Variants in MICAL2 observed in about 807,000 individuals in gnomAD.
The protein encoded by MICAL2 is microtubule associated monooxygenase, calponin and LIM domain containing 2.
A neutral mutation model predicts 127.3 loss-of-function variants in MICAL2; 77 were observed. That is an observed-to-expected ratio of 0.60 (90% CI 0.50 to 0.73). The LOEUF (loss-of-function observed/expected upper bound fraction) is 0.73. MICAL2 is among the 30% of genes least tolerant of loss of function. The pLI is 0.00. For synonymous variants in MICAL2, 570 were observed against 551.1 expected (o/e 1.03, Z -0.48); for missense variants, 1,351 against 1,434.4 (o/e 0.94, Z 0.94).
At chr11:12,273,772 G>A (rs1863696853), upstream of MICAL2, among the ~76,000 whole-genome samples, 1 of 152,120 alleles carries the variant, frequency 6.6e-6, no homozygotes, top group Admixed American at 6.6e-5. Flanking sequence ...GCCAGCCACA[G>A]GGGCAGGGAG....
At position 12,131,270 on chromosome 11, in the gene MICAL2, G is replaced by C. The variant is rs1244079166; in HGVS notation, c.-148-7120G>C. ...ATTGCGCCACTGCAGTCCACAGTCC[G>C]GCCTGGGCGACAGAGCGAGACTCCG... On this transcript the variant is annotated intron_variant, in intron 1 of 27. Coordinates refer to ENST00000683283, the MANE Select transcript of MICAL2 (RefSeq NM_001282663.2). Among the ~76,000 whole-genome samples the C allele has an allele frequency of 1.5e-5, 2 of 134,924 alleles. 1 individual carries two copies. The highest frequency in any genetic ancestry group is 3.2e-5 in the Non-Finnish European group (2 of 62,552). 88.5% of individuals were successfully genotyped at this position (134,924 alleles called of 152,430 possible). A position where few individuals can be genotyped will look rare whatever the true frequency, so the allele number is the denominator to read the frequency against.
At chr11:12,147,280 G>A (rs11022208) in intron 2 of MICAL2, among the ~76,000 whole-genome samples, 72,080 of 151,980 alleles carry the variant, frequency 0.47, 17,723 homozygotes, top group South Asian at 0.68. Flanking sequence ...GTGCTACCAT[G>A]GAAGCAGTTC....
intron 1 of MICAL2, among the ~76,000 whole-genome samples, chr11:12,122,998 G>T (rs1343837749): frequency 6.6e-6 from 1 of 152,090 alleles, no homozygotes; most frequent in Non-Finnish European, 1.5e-5. Context: ...GGGTGCCATG[G>T]AGAGTAGGTC....
At chr11:12,127,545 G>C (rs1851044397) in intron 1 of MICAL2, among the ~76,000 whole-genome samples, 1 of 152,192 alleles carries the variant, frequency 6.6e-6, no homozygotes, top group Non-Finnish European at 1.5e-5. Flanking sequence ...GAGGGGAGCA[G>C]CTCGGGGAGG....
upstream of MICAL2, among the ~76,000 whole-genome samples, chr11:12,272,196 A>G (rs1193636331): frequency 6.6e-6 from 1 of 152,162 alleles, no homozygotes; most frequent in African/African-American, 2.4e-5. Context: ...GCAGACTGGC[A>G]TAGCTGAGCT....
At chr11:12,338,579 G>A (rs561129562) in intron 32 of MICAL2, among the ~76,000 whole-genome samples, 1 of 152,336 alleles carries the variant, frequency 6.6e-6, no homozygotes, top group East Asian at 1.9e-4. Flanking sequence ...GCATGTTTTT[G>A]CAGTGGCTGG....
chr11:12,208,100 G>C lies in MICAL2; in HGVS notation c.550G>C (p.Val184Leu). The change falls in exon 5 of 28, where the codon GTG becomes CTG. Residue 184 changes from valine to leucine, a missense_variant. Val to Leu is a conservative substitution (Grantham distance 32). Coordinates refer to ENST00000683283, the MANE Select transcript of MICAL2 (RefSeq NM_001282663.2). ...GVEIHVNVEF[V>L]KVLEPPEDQE... is the part of the protein sequence containing the mutation. ...TGAAATCCATGTGAATGTGGAGTTCGTGAAGGTTCTAGAGCCTCCTGAAGA... is the reference window on the plus strand; with the variant it reads ...TGAAATCCATGTGAATGTGGAGTTCCTGAAGGTTCTAGAGCCTCCTGAAGA... The C allele has an allele frequency of 1.2e-6, 2 of 1,614,094 alleles. No individual in the cohort carries two copies. The highest frequency in any genetic ancestry group is 8.5e-7 in the Non-Finnish European group (1 of 1,179,982).
intron 29 of MICAL2, among the ~76,000 whole-genome samples, chr11:12,313,961 ATTTTTTT>A (rs60681621): frequency 6.9e-5 from 3 of 43,792 alleles, no homozygotes; most frequent in African/African-American, 1.9e-4. Flanking sequence ...TCTTGGTCTG[ATTTTTTT>A]TTTTTTTTTT....
In MICAL2 at chr11:12,350,618, A is replaced by G. The variant is rs1296948743; in HGVS notation, c.5615+681A>G. Among the ~76,000 whole-genome samples, 7 of 152,266 alleles carry G rather than the reference A, an allele frequency of 4.6e-5. No homozygotes were observed. The South Asian group carries it at 8.3e-4, about 18-fold the overall frequency. ...CTTTTGAAGGGGTGTAATAAATACT[A>G]TCACTCTTCCCTGCCTGGGTTCTGA... On this transcript the variant is annotated intron_variant, in intron 33 of 34. Transcript: ENST00000646065.
intron 24 of MICAL2, among the ~76,000 whole-genome samples, chr11:12,268,924 G>A (rs970299798): frequency 2.2e-4 from 34 of 152,054 alleles, no homozygotes; most frequent in African/African-American, 3.9e-4. Context: ...GTGTGAACCC[G>A]GGAGGCGGAG....
chr11:12,220,433 C>T lies in MICAL2; in HGVS notation c.1181C>T (p.Ala394Val), dbSNP rs1856684147. The T allele has an allele frequency of 6.2e-7, 1 of 1,610,848 alleles. No homozygotes were observed. Among genetic ancestry groups the T allele is most frequent in the African/African-American group, 1.3e-5 (1 of 74,910 alleles). The change falls in exon 9 of 28, where the codon GCC (alanine) becomes GTC (valine). Residue 394 changes from alanine (A) to valine (V), a missense_variant. Around this residue, in one of 2 missense-constraint regions of MICAL2, gnomAD observed 599 missense variants for 714.9 expected, o/e 0.84. Transcript: ENST00000683283. ...RERQAHQLLV[A>V]LVGDSLLEPF... is the part of the protein sequence containing the mutation. ...CGGCAGGCGCACCAGCTGCTCGTGG[C>T]CCTTGTGGGTGACAGCTTGCTTGAG...
intron 2 of MICAL2, among the ~76,000 whole-genome samples, chr11:12,284,002 C>A (rs1452080849): frequency 6.6e-6 from 1 of 152,098 alleles, no homozygotes; most frequent in Non-Finnish European, 1.5e-5. Context: ...GTGTAAGCAT[C>A]CCCAGGGGCT....
chr11:12,271,930 CAG>C (rs1467008897), upstream of MICAL2, among the ~76,000 whole-genome samples: 21 of 152,136 alleles, frequency 1.4e-4, no homozygotes. Flanking sequence ...TTCTTTTTTA[CAG>C]AGTCTCTACC....
At chr11:12,335,213 G>A (rs1485771289) in intron 32 of MICAL2, among the ~76,000 whole-genome samples, 1 of 151,058 alleles carries the variant, frequency 6.6e-6, no homozygotes, top group Non-Finnish European at 1.5e-5. Flanking sequence ...GTGATGATGA[G>A]CCTCTTTTCA....
intron 32 of MICAL2, among the ~76,000 whole-genome samples, chr11:12,335,013 C>T (rs1938723482): frequency 6.6e-6 from 1 of 151,976 alleles, no homozygotes; most frequent in African/African-American, 2.4e-5. Context: ...TTCTAGATCC[C>T]TGAGGAATCA....
intron 13 of MICAL2, 95 bp from the exon 14 acceptor site, chr11:12,226,076 G>A (rs1191961664): frequency 1.7e-6 from 2 of 1,204,620 alleles, no homozygotes; most frequent in Admixed American, 1.7e-5. Flanking sequence ...CTGGCAGAGT[G>A]TCACCCTCAG....
intron 34 of MICAL2, among the ~76,000 whole-genome samples, chr11:12,357,037 C>T (rs1939139923): frequency 6.6e-6 from 1 of 152,226 alleles, no homozygotes; most frequent in African/African-American, 2.4e-5. Flanking sequence ...GGCTCTAACC[C>T]TCTGCCCCTC....
At chr11:12,222,400 T>A (rs1485516186) in intron 10 of MICAL2, among the ~76,000 whole-genome samples, 1 of 152,124 alleles carries the variant, frequency 6.6e-6, no homozygotes, top group Non-Finnish European at 1.5e-5. Flanking sequence ...GAGCCCAGCA[T>A]CCCCGTCACC....
At chr11:12,189,388 G>A (rs1324979042) in intron 3 of MICAL2, among the ~76,000 whole-genome samples, 1 of 152,156 alleles carries the variant, frequency 6.6e-6, no homozygotes, top group Non-Finnish European at 1.5e-5. Context: ...CCTAGCACCA[G>A]ATATGATGCC....
Sources: allele counts gnomAD v4.1 joint callset (sites outside exome capture counted in the v4.1 genomes callset), GRCh38; gene constraint gnomAD v4.1.1; regional missense constraint gnomAD v4.1.1; transcripts MANE v1.5; gene names NCBI Gene and HGNC (gene_info 2026-07-23, HGNC 2026-07-21).